Variants in SPTBN2 observed in about 807,000 individuals in gnomAD.
SPTBN2 encodes spectrin beta, non-erythrocytic 2.
In SPTBN2, 107 loss-of-function variants were observed where a neutral mutation model predicts 284.2. That is an observed-to-expected ratio of 0.38 (90% CI 0.32 to 0.44). The LOEUF is 0.44. Among genes scored for constraint, SPTBN2 ranks in the 20% least tolerant of loss-of-function variants. The probability of loss-of-function intolerance (pLI) is 1.00; values close to 1 mark genes in which losing one functional copy is unlikely to be tolerated. For synonymous variants in SPTBN2, 1,289 were observed against 1,354.8 expected, an observed-to-expected ratio of 0.95 and a Z score of 1.07; for missense variants, 2,569 against 3,287.1, an observed-to-expected ratio of 0.78 and a Z score of 5.34.
At chr11:66,686,268 G>A (rs756708054) in intron 37 of SPTBN2, 130 bp downstream of exon 37, 51 of 1,426,628 alleles carry the variant, frequency 3.6e-5, no homozygotes, top group African/African-American at 1.5e-4. Context: ...TGGTGCGGCC[G>A]TCGCACACAT....
Position 66,710,962 on chromosome 11 carries a change from G to A in SPTBN2, c.840C>T (p.Phe280=). The A allele has an allele frequency of 6.2e-7, 1 of 1,614,262 alleles. No individual in the cohort carries two copies. Among genetic ancestry groups the A allele is most frequent in the Non-Finnish European group, 8.5e-7 (1 of 1,180,048 alleles). Residue 280 remains phenylalanine (F), a synonymous_variant, in exon 9 of 38, where the codon TTC becomes TTT. Transcript: ENST00000533211. This position sits in a 1 kb window ranked among gnomAD's most constrained non-coding sequence, Gnocchi z 4.9. ...ITYVATYYHY[F]SKMKALAVEG... ...CCACGGCCAGGGCCTTCATCTTGGA[G>A]AAGTAATGGTAGTAAGTAGCCACAT...
chr11:66,714,070 T>G (rs1293834011), intron 7 of SPTBN2, 21 bp downstream of exon 7: 1 of 1,613,820 alleles, frequency 6.2e-7, no homozygotes, highest in Non-Finnish European at 8.5e-7. Flanking sequence ...TCTGCTGCGT[T>G]TGCTAACCCC....
chr11:66,731,374 T>G (rs1328334494), upstream of SPTBN2, among the ~76,000 whole-genome samples: 1 of 152,224 alleles, frequency 6.6e-6, no homozygotes, highest in Non-Finnish European at 1.5e-5. Context: ...CAAAAGCGAA[T>G]GGAATGATAT....
rs1941223053 is a variant in SPTBN2 at position 66,701,162 on chromosome 11, T to A, written c.2937A>T (p.Lys979Asn). Residue 979 changes from lysine to asparagine, a missense_variant, in exon 17 of 38, where the codon AAA (lysine) becomes AAT (asparagine). Physicochemically the swap from Lys to Asn is moderately conservative, Grantham distance 94 (BLOSUM62 0). Coordinates refer to ENST00000533211, the MANE Select transcript of SPTBN2 (RefSeq NM_006946.4). ...CTAGGCCCTGGGTGGACTCGATGAC[T>A]TTGGTCTTCTCTCTCATCCAGGCCT... ...ETQAWMREKT[K>N]VIESTQGLGN... The A allele has an allele frequency of 6.2e-7, 1 of 1,613,034 alleles. No homozygotes were observed. Among genetic ancestry groups the A allele is most frequent in the Non-Finnish European group, 8.5e-7 (1 of 1,180,046 alleles).
intron 1 of SPTBN2, among the ~76,000 whole-genome samples, chr11:66,740,141 C>T (rs1321159906): frequency 6.6e-6 from 1 of 152,198 alleles, no homozygotes. Flanking sequence ...ATCTCCTGGG[C>T]TGGCCCAGCA....
chr11:66,727,617 CG>C (rs1942668354), intron 1 of SPTBN2, among the ~76,000 whole-genome samples: 1 of 152,102 alleles, frequency 6.6e-6, no homozygotes, highest in African/African-American at 2.4e-5. Context: ...GCTTTCTCCC[CG>C]GGCCAGTTCC....
At chr11:66,731,092 A>T (rs931417750), upstream of SPTBN2, among the ~76,000 whole-genome samples, 10 of 152,236 alleles carry the variant, frequency 6.6e-5, no homozygotes, top group Non-Finnish European at 1.5e-4. Context: ...ATGGCACCAT[A>T]ATGTGGGGAA....
chr11:66,741,432 CT>C (rs1378928322), intron 1 of SPTBN2, among the ~76,000 whole-genome samples: 2 of 152,230 alleles, frequency 1.3e-5, no homozygotes, highest in African/African-American at 4.8e-5. Context: ...AATTAAAACT[CT>C]TTCCTTTATA....
Position 66,693,826 on chromosome 11 carries a change from G to A in SPTBN2, c.4539C>T (p.Ser1513=), listed in dbSNP as rs572124467. 5 of 1,613,922 alleles carry A rather than the reference G, an allele frequency of 3.1e-6. No individual in the cohort carries two copies. The South Asian group carries it at 4.4e-5, about 14-fold the overall frequency. ...TGGGCAGGTCCTTGCCATGCTCCATGGAGCTGGCCATGGGCAGCCGCTCTG... is the reference window on the plus strand; with the variant it reads ...TGGGCAGGTCCTTGCCATGCTCCATAGAGCTGGCCATGGGCAGCCGCTCTG... ...WVTERLPMAS[S]MEHGKDLPSV... The change falls in exon 23 of 38, where the codon TCC becomes TCT. Residue 1513 remains serine (S), a synonymous_variant. Coordinates refer to ENST00000533211, the MANE Select transcript of SPTBN2 (RefSeq NM_006946.4). This position sits in a 1 kb window ranked among gnomAD's most constrained non-coding sequence, Gnocchi z 5.7.
In SPTBN2 at chr11:66,688,553, G is replaced by C. The variant is rs556598372; in HGVS notation, c.6231+100C>G. Reference sequence around the variant, plus strand: ...TCTCAGCTCACATCTGGGGGCCACTGGTGCAGTGGGAAGAGAGAAGACATG... The same window carrying C: ...TCTCAGCTCACATCTGGGGGCCACTCGTGCAGTGGGAAGAGAGAAGACATG... On this transcript the variant is annotated intron_variant, in intron 31 of 37. Transcript: ENST00000533211. The C allele has an allele frequency of 4.6e-6, 7 of 1,518,874 alleles. 1 individual carries two copies. The highest frequency in any genetic ancestry group is 6.3e-6 in the Non-Finnish European group (7 of 1,118,928). 94.1% of individuals were successfully genotyped at this position (1,518,874 alleles called of 1,614,324 possible). A position where few individuals can be genotyped will look rare whatever the true frequency, so the allele number is the denominator to read the frequency against.
chr11:66,687,815 C>G lies in SPTBN2; in HGVS notation c.6501+53G>C, dbSNP rs1590906991. The G allele has an allele frequency of 1.9e-6, 3 of 1,612,482 alleles. No individual in the cohort carries two copies. The East Asian group carries it at 6.7e-5, about 36-fold the overall frequency. On this transcript the variant is annotated intron_variant, in intron 34 of 37. Coordinates refer to ENST00000533211, the MANE Select transcript of SPTBN2 (RefSeq NM_006946.4). The surrounding 1 kb of genome is among the most constrained non-coding windows in gnomAD (Gnocchi z 5.2). ...CTCCCCCACCCGCACTCACCACCCC[C>G]TCTGGACCCTTCGCCTCACAGTTAT...
At chr11:66,711,080 T>C in intron 8 of SPTBN2, 51 bp from the exon 9 acceptor site, 1 of 1,477,470 alleles carries the variant, frequency 6.8e-7, no homozygotes, top group Middle Eastern at 1.8e-4. Flanking sequence ...CATCCATAAC[T>C]TGCATCACTT....
At position 66,701,023 on chromosome 11, in the gene SPTBN2, C is replaced by T; in HGVS notation, c.3076G>A (p.Ala1026Thr). ...GELTREANAL[A>T]AGHPAQAVAI... is the part of the protein sequence containing the mutation. ...ACTGCCTGAGCGGGATGGCCGGCAG[C>T]CAGGGCATTTGCCTCTCGAGTCAGT... Residue 1026 changes from alanine (A) to threonine (T), a missense_variant, in exon 17 of 38, where the codon GCT becomes ACT. By Grantham distance (58) the Ala-to-Thr change is moderately conservative. This residue lies in a region of SPTBN2 where 1,012 missense variants were observed against 1,248.9 expected (regional missense o/e 0.81). Coordinates refer to ENST00000533211, the MANE Select transcript of SPTBN2 (RefSeq NM_006946.4). 6.2e-7 allele frequency: 1 copy of T among 1,608,558 alleles called. No individual in the cohort carries two copies. Among genetic ancestry groups the T allele is most frequent in the Non-Finnish European group, 8.5e-7 (1 of 1,179,798 alleles).
chr11:66,700,237 G>T lies in SPTBN2; in HGVS notation c.3573+289C>A, dbSNP rs1238930128. ...CCCAAAATACTGGGAGTACAAGTGT[G>T]AGCCATCCTGTCTGGCTCCCATTTT... is the stretch of plus-strand genomic sequence containing the variant. On this transcript the variant is annotated intron_variant, in intron 17 of 37. Transcript: ENST00000533211. The surrounding 1 kb of genome is among the most constrained non-coding windows in gnomAD (Gnocchi z 6.6). Among the ~76,000 whole-genome samples, 1 of 152,016 alleles carries T rather than the reference G, an allele frequency of 6.6e-6. No homozygotes were observed. Among genetic ancestry groups the T allele is most frequent in the Non-Finnish European group, 1.5e-5 (1 of 68,020 alleles).
chr11:66,694,519 C>T (rs1039013353), intron 21 of SPTBN2, among the ~76,000 whole-genome samples, 156 bp from the exon 22 acceptor site: 6 of 152,200 alleles, frequency 3.9e-5, no homozygotes, highest in African/African-American at 1.4e-4. Flanking sequence ...CAGTGGATCT[C>T]GAACTTTATA....
Position 66,705,060 on chromosome 11 carries a change from C to T in SPTBN2, c.2216G>A (p.Arg739His), listed in dbSNP as rs372938259. The stretch of plus-strand genomic sequence containing the variant: ...GGCGGCTTGGGCCAGCCGCTGGGCA[C>T]GCTCCTCGGCCAGGGCCTCTAGCCG... ...WERLEALAEE[R>H]AQRLAQAASL... The change falls in exon 15 of 38, where the codon CGT (arginine) becomes CAT (histidine). Residue 739 changes from arginine to histidine, a missense_variant. Arg to His is a conservative substitution (Grantham distance 29). Coordinates refer to ENST00000533211, the MANE Select transcript of SPTBN2 (RefSeq NM_006946.4). 8 of 1,592,700 alleles carry T rather than the reference C, an allele frequency of 5.0e-6. No homozygotes were observed. Among genetic ancestry groups the T allele is most frequent in the African/African-American group, 1.3e-5 (1 of 74,632 alleles).
intron 1 of SPTBN2, among the ~76,000 whole-genome samples, chr11:66,737,936 C>T (rs764792803): frequency 1.3e-5 from 2 of 152,046 alleles, no homozygotes; most frequent in Non-Finnish European, 2.9e-5. Context: ...TAATTTAGGC[C>T]GGGTACGGTG....
rs1222522145 is a variant in SPTBN2 at position 66,707,489 on chromosome 11, A to AC, written c.1653+26dup. ...GCCCCCTCGACTCTTGATCACTCTT[A>AC]CCCCACCCAGCACGCCTCACTGGTA... On this transcript the variant is annotated intron_variant, in intron 13 of 37. Coordinates refer to ENST00000533211, the MANE Select transcript of SPTBN2 (RefSeq NM_006946.4). The surrounding 1 kb of genome is among the most constrained non-coding windows in gnomAD (Gnocchi z 4.9). 1.3e-6 allele frequency: 2 copies of AC among 1,574,686 alleles called. No individual in the cohort carries two copies. The highest frequency in any genetic ancestry group is 1.7e-6 in the Non-Finnish European group (2 of 1,160,882).
intron 20 of SPTBN2, among the ~76,000 whole-genome samples, chr11:66,697,243 T>C (rs1160998455): frequency 1.3e-5 from 2 of 152,132 alleles, no homozygotes; most frequent in African/African-American, 4.8e-5. Context: ...ACCCCCCTAC[T>C]GATCATTCCC....
Sources: allele counts gnomAD v4.1 joint callset (sites outside exome capture counted in the v4.1 genomes callset), GRCh38; gene constraint gnomAD v4.1.1; regional missense constraint gnomAD v4.1.1; non-coding constraint Gnocchi (gnomAD v3.1); transcripts MANE v1.5; gene names NCBI Gene and HGNC (gene_info 2026-07-23, HGNC 2026-07-21).